Variants in PDE4B observed in about 807,000 individuals in gnomAD.
PDE4B encodes phosphodiesterase 4B, also known as 3',5'-cyclic-AMP phosphodiesterase 4B.
Under a neutral mutation model 82.2 loss-of-function variants are expected in PDE4B, and 20 were observed. That is an observed-to-expected ratio of 0.24 (90% CI 0.17 to 0.35). The LOEUF is 0.35. Ranked by LOEUF, PDE4B falls within the 10% of genes least tolerant of loss-of-function variation. PDE4B has a pLI of 1.00. For synonymous variants in PDE4B, 320 were observed against 318.9 expected (o/e 1.00, Z -0.04); for missense variants, 655 against 907.2 (o/e 0.72, Z 3.57).
intron 1 of PDE4B, among the ~76,000 whole-genome samples, chr1:65,894,339 G>C (rs1465194998): frequency 6.6e-6 from 1 of 151,922 alleles, no homozygotes; most frequent in Non-Finnish European, 1.5e-5. Flanking sequence ...GATGTTATAT[G>C]GGAAAATTAA....
chr1:66,121,285 C>T (rs982443846), intron 3 of PDE4B, among the ~76,000 whole-genome samples: 2 of 152,100 alleles, frequency 1.3e-5, no homozygotes, highest in African/African-American at 4.8e-5. Context: ...TAATGGGGGA[C>T]ATTTTAGCTG....
intron 3 of PDE4B, among the ~76,000 whole-genome samples, chr1:66,231,097 G>A (rs1651915275): frequency 6.6e-6 from 1 of 151,758 alleles, no homozygotes; most frequent in African/African-American, 2.4e-5. Context: ...TGAATATTAT[G>A]GCTTCCTTGT....
At chr1:65,924,223 C>G (rs188347337) in intron 3 of PDE4B, among the ~76,000 whole-genome samples, 1 of 145,050 alleles carries the variant, frequency 6.9e-6, no homozygotes, top group Non-Finnish European at 1.5e-5. Flanking sequence ...TACAGGCGCC[C>G]GCCACTACGC....
At chr1:66,263,837 G>A (rs1184910220) in intron 6 of PDE4B, among the ~76,000 whole-genome samples, 1 of 152,116 alleles carries the variant, frequency 6.6e-6, no homozygotes, top group Non-Finnish European at 1.5e-5. Flanking sequence ...TTCCTTGACA[G>A]GGGAATGAAT....
At chr1:66,334,911 A>C (rs1660395833) in intron 8 of PDE4B, among the ~76,000 whole-genome samples, 1 of 152,160 alleles carries the variant, frequency 6.6e-6, no homozygotes, top group African/African-American at 2.4e-5. Flanking sequence ...CAGGAGTTCG[A>C]GATAATGCAA....
intron 3 of PDE4B, among the ~76,000 whole-genome samples, chr1:66,059,187 C>G (rs1655459477): frequency 6.6e-6 from 1 of 152,184 alleles, no homozygotes; most frequent in Non-Finnish European, 1.5e-5. Context: ...TGCTCCAGTT[C>G]CCAACAGGTT....
intron 7 of PDE4B, among the ~76,000 whole-genome samples, chr1:66,268,940 T>C (rs923943187): frequency 1.3e-5 from 2 of 152,228 alleles, no homozygotes; most frequent in African/African-American, 2.4e-5. Flanking sequence ...AGACAGGGAC[T>C]GTGCCTTATC....
At chr1:65,840,411 T>C (rs539550833) in intron 1 of PDE4B, among the ~76,000 whole-genome samples, 2 of 152,308 alleles carry the variant, frequency 1.3e-5, no homozygotes, top group African/African-American at 4.8e-5. Flanking sequence ...AAGAATTATT[T>C]TCTTAAGATA....
At chr1:65,962,323 A>G (rs1315857310) in intron 3 of PDE4B, among the ~76,000 whole-genome samples, 1 of 152,162 alleles carries the variant, frequency 6.6e-6, no homozygotes, top group Non-Finnish European at 1.5e-5. Context: ...ATCTGCAGAC[A>G]TGCTCAGGTG....
At chr1:66,244,861 C>T (rs931882310) in intron 3 of PDE4B, among the ~76,000 whole-genome samples, 7 of 152,148 alleles carry the variant, frequency 4.6e-5, no homozygotes, top group African/African-American at 1.7e-4. Flanking sequence ...AGGGTCTAAC[C>T]CCAGTTTACC....
chr1:66,346,444 C>CT (rs551713050), intron 8 of PDE4B, among the ~76,000 whole-genome samples: 1 of 152,136 alleles, frequency 6.6e-6, no homozygotes, highest in Non-Finnish European at 1.5e-5. Context: ...CAAATAGACT[C>CT]TTTTTTTACG....
chr1:66,079,057 T>A lies in PDE4B; in HGVS notation c.281+160222T>A, dbSNP rs1176798401. ...ATTTTGCCACCAGAGAGCCTGCACA[T>A]CTTTCTCTTATAGTGTATATTGATT... On this transcript the variant is annotated intron_variant, in intron 3 of 16. Transcript: ENST00000341517. 2.0e-5 allele frequency among the ~76,000 whole-genome samples: 3 copies of A among 152,150 alleles called. 1 individual carries two copies. In the East Asian group the frequency reaches 5.8e-4, roughly 29 times the overall value.
intron 3 of PDE4B, among the ~76,000 whole-genome samples, chr1:66,151,234 G>T (rs541016327): frequency 6.6e-6 from 1 of 152,148 alleles, no homozygotes; most frequent in Non-Finnish European, 1.5e-5. Flanking sequence ...AAATGTAATA[G>T]AACTTTTTTA....
chr1:66,096,499 T>TA (rs1026897619), intron 3 of PDE4B, among the ~76,000 whole-genome samples: 40 of 55,086 alleles, frequency 7.3e-4, no homozygotes, highest in Admixed American at 3.6e-3. Context: ...GCGGTATAAG[T>TA]AAAAAAAATT....
chr1:66,253,104 A>T (rs2101690094), intron 4 of PDE4B, among the ~76,000 whole-genome samples: 1 of 152,326 alleles, frequency 6.6e-6, no homozygotes, highest in East Asian at 1.9e-4. Flanking sequence ...TGTAATAATT[A>T]ATTTAATTTT....
intron 1 of PDE4B, among the ~76,000 whole-genome samples, chr1:65,797,498 T>G (rs1446633161): frequency 6.6e-6 from 1 of 152,126 alleles, no homozygotes; most frequent in Non-Finnish European, 1.5e-5. Context: ...TCAATGACAA[T>G]TTAATTTCTA....
intron 6 of PDE4B, among the ~76,000 whole-genome samples, chr1:66,263,655 C>T (rs1178851985): frequency 1.3e-5 from 2 of 152,100 alleles, no homozygotes; most frequent in Non-Finnish European, 2.9e-5. Context: ...CCAATATGGA[C>T]TGTAACATGA....
At chr1:65,900,567 G>C (rs187222968) in intron 1 of PDE4B, among the ~76,000 whole-genome samples, 1 of 152,108 alleles carries the variant, frequency 6.6e-6, no homozygotes, top group African/African-American at 2.4e-5. Context: ...TTTAATGATA[G>C]TGGTTTCTCA....
chr1:65,942,894 T>C (rs1648519867), intron 3 of PDE4B, among the ~76,000 whole-genome samples: 1 of 152,030 alleles, frequency 6.6e-6, no homozygotes, highest in African/African-American at 2.4e-5. Flanking sequence ...GAGTTCCTTA[T>C]ATATTTTGGC....
Sources: allele counts gnomAD v4.1 joint callset (sites outside exome capture counted in the v4.1 genomes callset), GRCh38; gene constraint gnomAD v4.1.1; transcripts MANE v1.5; gene names NCBI Gene and HGNC (gene_info 2026-07-23, HGNC 2026-07-21).